INVS: variants seen among roughly 807,000 people sequenced by gnomAD.
INVS encodes inversion of embryo turning homolog.
INVS carries 86 observed loss-of-function variants against 108.8 expected under a neutral mutation model. That is an observed-to-expected ratio of 0.79 (90% confidence interval 0.66 to 0.95). The LOEUF (loss-of-function observed/expected upper bound fraction) is 0.95. Among genes scored for constraint, INVS ranks in the 40% least tolerant of loss-of-function variants. The pLI, the probability that INVS is intolerant of heterozygous loss-of-function variation, is 0.00. For synonymous variants in INVS, 455 were observed against 473.5 expected (o/e 0.96, Z 0.51); for missense variants, 1,169 against 1,297.4 (o/e 0.90, Z 1.52).
chr9:100,225,054 G>T lies in INVS; in HGVS notation c.274-1008G>T, dbSNP rs865834055. Among the ~76,000 whole-genome samples, 582 of 149,566 alleles carry T rather than the reference G, an allele frequency of 3.9e-3. 4 individuals carry two copies. The highest frequency in any genetic ancestry group is 0.01 in the Middle Eastern group (3 of 292). ...CGTTTGAGTCTGGGATCCAAACTTGGTTTTTTTGTTTTTTTTTTTTTGAGA... is the reference window on the plus strand; with the variant it reads ...CGTTTGAGTCTGGGATCCAAACTTGTTTTTTTTGTTTTTTTTTTTTTGAGA... On this transcript the variant is annotated intron_variant, in intron 3 of 16. Coordinates refer to ENST00000262457, the MANE Select transcript of INVS (RefSeq NM_014425.5).
At position 100,274,122 on chromosome 9, in the gene INVS, C is replaced by T. The variant is rs577665849; in HGVS notation, c.1784+1046C>T. ...CCTGTAATCCCAGCACTTTGGGAGG[C>T]CAAGGCAGGCGGATCACTTGAGGTC... On this transcript the variant is annotated intron_variant, in intron 12 of 16. Transcript: ENST00000262457. Among the ~76,000 whole-genome samples the T allele has an allele frequency of 2.6e-5, 4 of 152,066 alleles. No individual in the cohort carries two copies. The East Asian group carries it at 7.8e-4, about 30-fold the overall frequency.
At chr9:100,169,354 A>G (rs1829465984) in intron 3 of INVS, among the ~76,000 whole-genome samples, 1 of 152,180 alleles carries the variant, frequency 6.6e-6, no homozygotes, top group Non-Finnish European at 1.5e-5. Context: ...ACTCCTTTAC[A>G]TTTATGGTAT....
chr9:100,103,604 G>C (rs1428553438), intron 1 of INVS, among the ~76,000 whole-genome samples: 1 of 151,334 alleles, frequency 6.6e-6, no homozygotes, highest in African/African-American at 2.4e-5. Context: ...CTCTAGCCTG[G>C]GTGACAGAGC....
chr9:100,243,114 A>G (rs1438526908), intron 7 of INVS, among the ~76,000 whole-genome samples: 1 of 152,172 alleles, frequency 6.6e-6, no homozygotes, highest in African/African-American at 2.4e-5. Flanking sequence ...ATAACATTTT[A>G]CTTTACTGTA....
At chr9:100,292,190 C>T in intron 13 of INVS, 136 bp from the exon 14 acceptor site, 2 of 813,946 alleles carry the variant, frequency 2.5e-6, no homozygotes, top group East Asian at 5.2e-5. Flanking sequence ...AGAAGTTAAA[C>T]CGTTTTTTTC....
intron 3 of INVS, among the ~76,000 whole-genome samples, chr9:100,213,190 A>G: frequency 8.5e-6 from 1 of 118,258 alleles, no homozygotes; most frequent in East Asian, 2.8e-4. Context: ...TAGAATTTCA[A>G]CACATGAATT....
chr9:100,245,426 T>C (rs1263602653), intron 7 of INVS, among the ~76,000 whole-genome samples: 1 of 152,044 alleles, frequency 6.6e-6, no homozygotes, highest in Non-Finnish European at 1.5e-5. Context: ...ACTACAGGCA[T>C]GTGCCACCAT....
intron 3 of INVS, among the ~76,000 whole-genome samples, chr9:100,194,405 G>A (rs752601865): frequency 5.9e-5 from 9 of 152,096 alleles, no homozygotes; most frequent in South Asian, 2.1e-4. Context: ...TCTTGTTTCT[G>A]CAAACTTGCT....
chr9:100,259,034 G>A (rs1442207900), intron 10 of INVS, among the ~76,000 whole-genome samples: 2 of 152,214 alleles, frequency 1.3e-5, no homozygotes, highest in African/African-American at 2.4e-5. Context: ...ACAAAGGCAG[G>A]TAGGCCTCCT....
At chr9:100,182,029 T>G (rs1178804264) in intron 3 of INVS, among the ~76,000 whole-genome samples, 2 of 152,172 alleles carry the variant, frequency 1.3e-5, no homozygotes, top group Non-Finnish European at 2.9e-5. Flanking sequence ...GATTCCCTAT[T>G]TAATAAATGG....
At chr9:100,196,772 T>G (rs1350894563) in intron 3 of INVS, among the ~76,000 whole-genome samples, 1 of 151,390 alleles carries the variant, frequency 6.6e-6, no homozygotes, top group Non-Finnish European at 1.5e-5. Context: ...ATATAATTAT[T>G]TAAGCCTGTG....
chr9:100,213,510 A>G (rs979999823), intron 3 of INVS, among the ~76,000 whole-genome samples: 2 of 152,000 alleles, frequency 1.3e-5, no homozygotes, highest in Non-Finnish European at 2.9e-5. Flanking sequence ...TGGCCCTTAC[A>G]ATGCATTTCA....
At chr9:100,114,525 C>T (rs534864502) in intron 2 of INVS, among the ~76,000 whole-genome samples, 3 of 150,194 alleles carry the variant, frequency 2.0e-5, no homozygotes, top group Non-Finnish European at 4.4e-5. Flanking sequence ...CCTCAGCCTC[C>T]TGAGTAGCTG....
Position 100,292,746 on chromosome 9 carries a change from C to T in INVS, c.2489C>T (p.Thr830Ile), listed in dbSNP as rs886063270. The T allele has an allele frequency of 6.2e-7, 1 of 1,614,184 alleles. No individual in the cohort carries two copies. Among genetic ancestry groups the T allele is most frequent in the South Asian group, 1.1e-5 (1 of 91,080 alleles). ...HAGQNPPHHR[T>I]PRNKVTQAKL... ...GGGCAGAATCCTCCCCACCATCGTACACCAAGAAACAAAGTGACACAAGCC... is the reference window on the plus strand; with the variant it reads ...GGGCAGAATCCTCCCCACCATCGTATACCAAGAAACAAAGTGACACAAGCC... Residue 830 changes from threonine to isoleucine, a missense_variant, in exon 14 of 17, where the codon ACA becomes ATA. By Grantham distance (89) the Thr-to-Ile change is moderately conservative. Coordinates refer to ENST00000262457, the MANE Select transcript of INVS (RefSeq NM_014425.5).
intron 3 of INVS, among the ~76,000 whole-genome samples, chr9:100,173,467 C>T (rs1207136203): frequency 6.6e-6 from 1 of 152,156 alleles, no homozygotes; most frequent in Non-Finnish European, 1.5e-5. Flanking sequence ...GTGGCTCACA[C>T]CTGTAATCCC....
At chr9:100,231,933 T>C in intron 5 of INVS, among the ~76,000 whole-genome samples, 1 of 152,216 alleles carries the variant, frequency 6.6e-6, no homozygotes, top group East Asian at 1.9e-4. Context: ...CACCGCACTG[T>C]CTTCCACAAT....
In INVS at chr9:100,117,600, C is replaced by T. The variant is rs1008425845; in HGVS notation, c.107-8783C>T. 7.2e-5 allele frequency: 51 copies of T among 705,114 alleles called. No individual in the cohort carries two copies. In the East Asian group the frequency reaches 1.1e-3, roughly 15 times the overall value. The allele number at this position is 705,114 out of a possible 1,614,324, so 43.7% of individuals were successfully genotyped here. A position where few individuals can be genotyped will look rare whatever the true frequency, so the allele number is the denominator to read the frequency against. ...CCCATCCCAGGGCCACCAGGGCCTC[C>T]GGCCCCCCGCCCCCCCCGCCCACCT... is the stretch of plus-strand genomic sequence containing the variant. On this transcript the variant is annotated intron_variant, in intron 2 of 16. Transcript: ENST00000262457.
At chr9:100,150,978 A>G (rs73656949) in intron 3 of INVS, among the ~76,000 whole-genome samples, 2,076 of 152,294 alleles carry the variant, frequency 0.014, 36 homozygotes, top group African/African-American at 0.048. Context: ...TAAGCAATCA[A>G]AATAGTATTC....
intron 15 of INVS, 23 bp from the exon 16 acceptor site, chr9:100,297,909 AAAGT>A: frequency 6.2e-7 from 1 of 1,613,920 alleles, no homozygotes; most frequent in Non-Finnish European, 8.5e-7. Context: ...TGGCCAAAGA[AAAGT>A]AACAGTTGTT....
Sources: allele counts gnomAD v4.1 joint callset (sites outside exome capture counted in the v4.1 genomes callset), GRCh38; gene constraint gnomAD v4.1.1; transcripts MANE v1.5; gene names NCBI Gene and HGNC (gene_info 2026-07-23, HGNC 2026-07-21).